The following NDST3 variants were observed in gnomAD, a reference collection of about 807,000 sequenced individuals.
The protein encoded by NDST3 is N-deacetylase and N-sulfotransferase 3.
A neutral mutation model predicts 96.1 loss-of-function variants in NDST3; 58 were observed. The observed-to-expected ratio is 0.60, with a 90% CI of 0.49 to 0.75. The LOEUF (loss-of-function observed/expected upper bound fraction) is 0.75. Ranked by LOEUF, NDST3 falls within the 30% of genes least tolerant of loss-of-function variation. The pLI is 0.00. For synonymous variants in NDST3, 333 were observed against 359.7 expected, an observed-to-expected ratio of 0.93 and a Z score of 0.84; for missense variants, 788 against 1,034.2, an observed-to-expected ratio of 0.76 and a Z score of 3.27.
intron 6 of NDST3, chr4:118,193,646 A>G: frequency 7.7e-7 from 1 of 1,297,966 alleles, no homozygotes; most frequent in South Asian, 1.2e-5. Context: ...GAGCTGCAAG[A>G]CCTTCTGGAA....
In NDST3 at chr4:118,111,075, AAATACCACACGTTCTCATTTAT is replaced by A. The variant is rs572796602; in HGVS notation, c.1070-3728_1070-3707del. ...TAAATCAATGCAAGAGCAGAAAACC[AAATACCACACGTTCTCATTTAT>A]AAGTGAGAACTAAACATCGAGTACT... On this transcript the variant is annotated intron_variant, in intron 3 of 13. Transcript: ENST00000296499. Among the ~76,000 whole-genome samples the A allele has an allele frequency of 1.3e-4, 20 of 152,326 alleles. No individual in the cohort carries two copies. The East Asian group carries it at 3.5e-3, about 26-fold the overall frequency.
intron 6 of NDST3, among the ~76,000 whole-genome samples, chr4:118,199,619 A>G (rs1737931523): frequency 6.6e-6 from 1 of 152,076 alleles, no homozygotes; most frequent in Non-Finnish European, 1.5e-5. Context: ...GGATACTTGT[A>G]GGTGTTCATT....
chr4:118,255,474 T>C (rs1007745233), intron 13 of NDST3, 119 bp from the exon 14 acceptor site: 1 of 1,049,988 alleles, frequency 9.5e-7, no homozygotes. Context: ...ATAGTCCATA[T>C]GCTTAATACA....
At chr4:118,109,500 G>A (rs1730469051) in intron 3 of NDST3, among the ~76,000 whole-genome samples, 1 of 152,004 alleles carries the variant, frequency 6.6e-6, no homozygotes, top group South Asian at 2.1e-4. Flanking sequence ...TTCTTTACTT[G>A]GGCACTTCCC....
chr4:118,159,079 T>C lies in NDST3; in HGVS notation c.1539+15395T>C, dbSNP rs559430700. 3.3e-5 allele frequency among the ~76,000 whole-genome samples: 5 copies of C among 152,092 alleles called. No homozygotes were observed. In the East Asian group the frequency reaches 5.8e-4, roughly 18 times the overall value. The stretch of plus-strand genomic sequence containing the variant: ...GCTTCTAGCTTCTCCCACAGTCCCA[T>C]AGGAGGAAAAGATTTGGCTTGTACA... On this transcript the variant is annotated intron_variant, in intron 6 of 13. Coordinates refer to ENST00000296499, the MANE Select transcript of NDST3 (RefSeq NM_004784.3).
intron 8 of NDST3, among the ~76,000 whole-genome samples, chr4:118,227,676 A>C (rs1739988168): frequency 7.2e-6 from 1 of 138,282 alleles, no homozygotes; most frequent in African/African-American, 2.8e-5. Context: ...CAGTGGCATG[A>C]TCTCAGCTCA....
At chr4:118,049,444 T>C (rs1478219541) in intron 1 of NDST3, among the ~76,000 whole-genome samples, 3 of 151,686 alleles carry the variant, frequency 2.0e-5, no homozygotes. Flanking sequence ...AGTTGTTTCT[T>C]AGAAAAAAAT....
chr4:118,237,654 C>T (rs1424085246), intron 10 of NDST3, among the ~76,000 whole-genome samples: 1 of 152,082 alleles, frequency 6.6e-6, no homozygotes, highest in Non-Finnish European at 1.5e-5. Flanking sequence ...CATTGTATTT[C>T]GAAAGCAGCC....
At chr4:118,213,531 G>T (rs2125987899) in intron 6 of NDST3, among the ~76,000 whole-genome samples, 1 of 151,772 alleles carries the variant, frequency 6.6e-6, no homozygotes, top group Admixed American at 6.6e-5. Flanking sequence ...ACTGACTAAG[G>T]ACATTGTGAT....
chr4:118,115,371 T>A (rs1484668576), intron 4 of NDST3, among the ~76,000 whole-genome samples: 1 of 152,170 alleles, frequency 6.6e-6, no homozygotes, highest in Non-Finnish European at 1.5e-5. Context: ...GAAATAAGTA[T>A]CACTGGGAGT....
At chr4:118,147,290 T>C (rs1208550943) in intron 6 of NDST3, among the ~76,000 whole-genome samples, 2 of 152,080 alleles carry the variant, frequency 1.3e-5, no homozygotes, top group African/African-American at 4.8e-5. Flanking sequence ...AGAGTGTTCG[T>C]TGATTAAGGA....
chr4:118,077,539 C>G (rs1332392311), intron 2 of NDST3, among the ~76,000 whole-genome samples: 1 of 152,154 alleles, frequency 6.6e-6, no homozygotes, highest in Non-Finnish European at 1.5e-5. Context: ...CAATCACTGG[C>G]TTTATGCCTG....
At chr4:118,159,385 T>C (rs1432083825) in intron 6 of NDST3, among the ~76,000 whole-genome samples, 2 of 152,206 alleles carry the variant, frequency 1.3e-5, no homozygotes, top group African/African-American at 4.8e-5. Context: ...CTATTGCAGA[T>C]GTATCCACAG....
chr4:118,151,102 T>C (rs1221327174), intron 6 of NDST3, among the ~76,000 whole-genome samples: 1 of 151,978 alleles, frequency 6.6e-6, no homozygotes, highest in Non-Finnish European at 1.5e-5. Context: ...ATGCATGAAA[T>C]TGGAAATCAT....
At chr4:118,158,002 T>C (rs569728056) in intron 6 of NDST3, among the ~76,000 whole-genome samples, 1 of 152,248 alleles carries the variant, frequency 6.6e-6, no homozygotes, top group Non-Finnish European at 1.5e-5. Context: ...TTCTCATGTA[T>C]TGTCAGATAG....
At chr4:118,146,141 G>A (rs1440673807) in intron 6 of NDST3, among the ~76,000 whole-genome samples, 1 of 152,190 alleles carries the variant, frequency 6.6e-6, no homozygotes, top group East Asian at 1.9e-4. Flanking sequence ...TTTAGCAGAT[G>A]ACATTTTTTA....
intron 10 of NDST3, among the ~76,000 whole-genome samples, chr4:118,240,313 T>C (rs79281045): frequency 6.6e-6 from 1 of 152,152 alleles, no homozygotes; most frequent in African/African-American, 2.4e-5. Flanking sequence ...TTCTACCAGA[T>C]AAATTCTCAA....
chr4:118,258,304 T>C lies in NDST3; in HGVS notation c.*2592T>C, dbSNP rs1742233581. 1 of 152,228 alleles carries C rather than the reference T, an allele frequency of 6.6e-6. No homozygotes were observed. Among genetic ancestry groups the C allele is most frequent in the Non-Finnish European group, 1.5e-5 (1 of 68,036 alleles). 9.4% of individuals were successfully genotyped at this position (152,228 alleles called of 1,614,324 possible). A position where few individuals can be genotyped will look rare whatever the true frequency, so the allele number is the denominator to read the frequency against. ...AGACAGCATCAAATTCTAGAGGACA[T>C]GCATACTTTCCACATTATATACTCC... On this transcript the variant is annotated 3_prime_UTR_variant, in exon 14 of 14. Transcript: ENST00000296499.
intron 2 of NDST3, among the ~76,000 whole-genome samples, chr4:118,057,881 T>C (rs1292232742): frequency 6.6e-6 from 1 of 152,056 alleles, no homozygotes; most frequent in East Asian, 1.9e-4. Flanking sequence ...AGACTGGTTC[T>C]AGGAAGACCA....
Sources: allele counts gnomAD v4.1 joint callset (sites outside exome capture counted in the v4.1 genomes callset), GRCh38; gene constraint gnomAD v4.1.1; transcripts MANE v1.5; gene names NCBI Gene and HGNC (gene_info 2026-07-23, HGNC 2026-07-21).